The following ESD variants were observed in gnomAD, a reference collection of about 807,000 sequenced individuals.
The protein encoded by ESD is S-formylglutathione hydrolase.
In ESD, 34 loss-of-function variants were observed where a neutral mutation model predicts 38.1. That is an observed-to-expected ratio of 0.89 (90% CI 0.68 to 1.19). The LOEUF (loss-of-function observed/expected upper bound fraction) is 1.19. ESD is among the 50% of genes most tolerant of loss of function. The probability of loss-of-function intolerance (pLI) is 0.00; values close to 1 mark genes in which losing one functional copy is unlikely to be tolerated. For synonymous variants in ESD, 97 were observed against 107.0 expected, an observed-to-expected ratio of 0.91 and a Z score of 0.58; for missense variants, 334 against 327.2, an observed-to-expected ratio of 1.02 and a Z score of -0.16.
chr13:46,794,909 C>T (rs1204667542), intron 1 of ESD, among the ~76,000 whole-genome samples: 1 of 152,184 alleles, frequency 6.6e-6, no homozygotes, highest in Non-Finnish European at 1.5e-5. Context: ...ATTTCAACTA[C>T]ATTTTCTGGG....
chr13:46,785,960 T>A (rs1300157113), intron 4 of ESD, among the ~76,000 whole-genome samples: 1 of 151,882 alleles, frequency 6.6e-6, no homozygotes, highest in African/African-American at 2.4e-5. Flanking sequence ...GGACTGTGAG[T>A]CAGAAAACTT....
At chr13:46,782,003 A>G (rs1397581006) in intron 6 of ESD, among the ~76,000 whole-genome samples, 8 of 151,874 alleles carry the variant, frequency 5.3e-5, no homozygotes, top group African/African-American at 1.9e-4. Flanking sequence ...CAAAACCATA[A>G]GTATTCTATA....
Position 46,777,567 on chromosome 13 carries a change from T to TAGTA in ESD, c.653_656dup (p.Ile220ThrfsTer3). 6.2e-7 allele frequency: 1 copy of TAGTA among 1,611,324 alleles called. No individual in the cohort carries two copies. Among genetic ancestry groups the TAGTA allele is most frequent in the Non-Finnish European group, 8.5e-7 (1 of 1,178,140 alleles). ...ACTGGTCATCTTTCCCTTGATCAAT[T>TAGTA]AGTATGTCCAGCTGAGATCCTGGAT... On this transcript the variant is annotated frameshift_variant, in exon 9 of 10. Coordinates refer to ENST00000378720, the MANE Select transcript of ESD (RefSeq NM_001984.2). LOFTEE classifies it high-confidence loss of function.
At chr13:46,797,648 G>A (rs1323209381), upstream of ESD, among the ~76,000 whole-genome samples, 2 of 152,166 alleles carry the variant, frequency 1.3e-5, no homozygotes, top group Non-Finnish European at 2.9e-5. Flanking sequence ...TCCAGTGGCC[G>A]ACACGCAGTG....
rs553166742 is a variant in ESD at position 46,772,696 on chromosome 13, C to CT, written c.769-1201dup. ...TAAGTGAGAGCATGTGGTGTTTGGT[C>CT]TTTTTTTTTTTTGAGACGGAGTCTC... On this transcript the variant is annotated intron_variant, in intron 9 of 9. Coordinates refer to ENST00000378720, the MANE Select transcript of ESD (RefSeq NM_001984.2). 1.6e-3 allele frequency among the ~76,000 whole-genome samples: 235 copies of CT among 146,324 alleles called. 1 individual carries two copies. The Middle Eastern group carries it at 0.024, about 15-fold the overall frequency.
At chr13:46,787,145 C>A in intron 3 of ESD, 36 bp from the exon 4 acceptor site, 2 of 1,209,408 alleles carry the variant, frequency 1.7e-6, no homozygotes, top group Non-Finnish European at 2.4e-6. Context: ...AATATTAATG[C>A]CCCTCATTAA....
In ESD at chr13:46,772,890, T is replaced by C. The variant is rs80091253; in HGVS notation, c.769-1394A>G. On this transcript the variant is annotated intron_variant, in intron 9 of 9. Transcript: ENST00000378720. Reference sequence around the variant, plus strand: ...TAGTAGAGACGGGGTTTCGCCATGTTAGCCAGGATGGTCTCGATCTCCTGA... The same window carrying C: ...TAGTAGAGACGGGGTTTCGCCATGTCAGCCAGGATGGTCTCGATCTCCTGA... Among the ~76,000 whole-genome samples, 703 of 152,264 alleles carry C rather than the reference T, an allele frequency of 4.6e-3. 6 individuals are homozygous for C. Among genetic ancestry groups the C allele is most frequent in the East Asian group, 0.035 (181 of 5,180 alleles).
At chr13:46,781,391 A>T in intron 7 of ESD, 105 bp downstream of exon 7, 1 of 1,053,714 alleles carries the variant, frequency 9.5e-7, no homozygotes, top group Middle Eastern at 2.4e-4. Context: ...ACACTAGAAA[A>T]GTTTAGTTCC....
chr13:46,779,745 A>G (rs2138289388), intron 8 of ESD, among the ~76,000 whole-genome samples, 190 bp downstream of exon 8: 1 of 146,334 alleles, frequency 6.8e-6, no homozygotes, highest in South Asian at 2.1e-4. Context: ...ATAATAATAT[A>G]TATAAAATAA....
intron 9 of ESD, among the ~76,000 whole-genome samples, chr13:46,772,551 G>C (rs1050088791): frequency 6.6e-6 from 1 of 152,196 alleles, no homozygotes; most frequent in Non-Finnish European, 1.5e-5. Context: ...GTATTAAGCC[G>C]AGCATCCATC....
intron 8 of ESD, among the ~76,000 whole-genome samples, chr13:46,778,604 T>A (rs1315276323): frequency 1.3e-5 from 2 of 151,758 alleles, no homozygotes; most frequent in African/African-American, 4.8e-5. Flanking sequence ...AATTAGTTGG[T>A]CTTTTACCCA....
intron 3 of ESD, among the ~76,000 whole-genome samples, chr13:46,789,079 C>G (rs1875300085): frequency 6.6e-6 from 1 of 152,138 alleles, no homozygotes. Context: ...ATGTAAATGG[C>G]TACATGTAAT....
At chr13:46,788,259 G>A (rs1240704876) in intron 3 of ESD, among the ~76,000 whole-genome samples, 1 of 151,920 alleles carries the variant, frequency 6.6e-6, no homozygotes, top group African/African-American at 2.4e-5. Flanking sequence ...GAAGTTTTCT[G>A]TATGCTCCTT....
intron 9 of ESD, chr13:46,775,727 C>A: frequency 2.1e-6 from 1 of 466,466 alleles, no homozygotes; most frequent in Non-Finnish European, 4.4e-6. Context: ...TGCACCTGAG[C>A]TCAACATTGT....
intron 2 of ESD, among the ~76,000 whole-genome samples, chr13:46,791,760 A>G (rs1485155781): frequency 6.6e-6 from 1 of 152,092 alleles, no homozygotes; most frequent in Non-Finnish European, 1.5e-5. Context: ...GAAGATTAAA[A>G]ATTGTTAATA....
chr13:46,791,388 T>C lies in ESD; in HGVS notation c.26A>G (p.Asn9Ser), dbSNP rs574851509. 2 of 1,613,158 alleles carry C rather than the reference T, an allele frequency of 1.2e-6. No homozygotes were observed. Among genetic ancestry groups the C allele is most frequent in the Admixed American group, 1.7e-5 (1 of 59,894 alleles). Residue 9 changes from asparagine (N) to serine (S), a missense_variant, in exon 3 of 10, where the codon AAC becomes AGC. Asn to Ser is a conservative substitution (Grantham distance 46). Transcript: ENST00000378720. MALKQISS[N>S]KCFGGLQKVF... ...TTTCTGCAATCCCCCAAAGCACTTG[T>C]TGCTGGAAATCTGCTTCAATGCCAT...
At chr13:46,784,917 A>C (rs1271378692) in intron 4 of ESD, among the ~76,000 whole-genome samples, 1 of 152,056 alleles carries the variant, frequency 6.6e-6, no homozygotes, top group African/African-American at 2.4e-5. Flanking sequence ...ATATTAAAAC[A>C]ACCCCAGTGA....
At chr13:46,780,752 G>A (rs1035798604) in intron 7 of ESD, among the ~76,000 whole-genome samples, 7 of 151,654 alleles carry the variant, frequency 4.6e-5, no homozygotes, top group African/African-American at 1.4e-4. Context: ...AATATTTGAT[G>A]CCACAGAAAG....
At chr13:46,794,459 G>A (rs1875507995) in intron 1 of ESD, among the ~76,000 whole-genome samples, 1 of 152,044 alleles carries the variant, frequency 6.6e-6, no homozygotes, top group Non-Finnish European at 1.5e-5. Flanking sequence ...TCAGCCTCCT[G>A]AGCAGCTAGG....
Sources: gnomAD v4.1 joint callset for allele counts (sites outside exome capture counted in the v4.1 genomes callset) on GRCh38, gnomAD v4.1.1 for gene constraint, MANE v1.5 for transcripts, NCBI Gene and HGNC (gene_info 2026-07-23, HGNC 2026-07-21) for gene names.